Variants in TAOK3 observed in about 807,000 individuals in gnomAD.
TAOK3 encodes TAO kinase 3.
A neutral mutation model predicts 120.4 loss-of-function variants in TAOK3; 40 were observed. That is an observed-to-expected ratio of 0.33 (90% CI 0.26 to 0.43). The LOEUF is 0.43. Ranked by LOEUF, TAOK3 falls within the 20% of genes least tolerant of loss-of-function variation. The pLI, the probability that TAOK3 is intolerant of heterozygous loss-of-function variation, is 1.00. For synonymous variants in TAOK3, 355 were observed against 387.5 expected, an observed-to-expected ratio of 0.92 and a Z score of 0.99; for missense variants, 821 against 1,112.1, an observed-to-expected ratio of 0.74 and a Z score of 3.72.
chr12:118,204,875 C>A (rs1173618026), intron 11 of TAOK3, among the ~76,000 whole-genome samples: 1 of 151,696 alleles, frequency 6.6e-6, no homozygotes, highest in Non-Finnish European at 1.5e-5. Context: ...ACTAAAAACA[C>A]CAAAATTAGG....
chr12:118,354,326 G>C (rs2045305187), intron 1 of TAOK3, among the ~76,000 whole-genome samples: 1 of 152,140 alleles, frequency 6.6e-6, no homozygotes, highest in South Asian at 2.1e-4. Flanking sequence ...TGATAACCAA[G>C]ACAACCAGCT....
At chr12:118,267,833 C>T (rs549494779) in intron 1 of TAOK3, among the ~76,000 whole-genome samples, 25 of 145,360 alleles carry the variant, frequency 1.7e-4, no homozygotes, top group South Asian at 4.3e-4. Flanking sequence ...TGCAGTGAGC[C>T]GAGATCGCAC....
rs2035125088 is a variant in TAOK3 at position 118,160,192 on chromosome 12, G to A, written c.2306C>T (p.Ala769Val). The A allele has an allele frequency of 1.9e-6, 3 of 1,614,152 alleles. No homozygotes were observed. Among genetic ancestry groups the A allele is most frequent in the Non-Finnish European group, 2.5e-6 (3 of 1,180,032 alleles). ...ATTTATACTCTGTTCATACTGCTCT[G>A]CCAAAATGGCAAGTTTTCTTGTCTG... Reference protein sequence around the residue: ...DEQTRKLAILAEQYEQSINEM... With the variant: ...DEQTRKLAILVEQYEQSINEM... Residue 769 changes from alanine to valine, a missense_variant, in exon 19 of 21, where the codon GCA becomes GTA. This residue lies in a region of TAOK3 where 354 missense variants were observed against 572.1 expected (regional missense o/e 0.62). Transcript: ENST00000392533. The surrounding 1 kb of genome is among the most constrained non-coding windows in gnomAD (Gnocchi z 4.2).
chr12:118,251,590 C>G (rs1437955644), intron 3 of TAOK3, among the ~76,000 whole-genome samples: 1 of 152,112 alleles, frequency 6.6e-6, no homozygotes, highest in East Asian at 1.9e-4. Flanking sequence ...ATCGTGCCAG[C>G]CTTTAGAGTT....
chr12:118,310,863 T>TA (rs1405815771), intron 1 of TAOK3, among the ~76,000 whole-genome samples: 3 of 151,460 alleles, frequency 2.0e-5, no homozygotes, highest in African/African-American at 4.9e-5. Flanking sequence ...ATTCTGGACT[T>TA]AGAGTTTTAG....
At chr12:118,306,255 T>C (rs1255861962) in intron 1 of TAOK3, among the ~76,000 whole-genome samples, 3 of 152,186 alleles carry the variant, frequency 2.0e-5, no homozygotes, top group Non-Finnish European at 2.9e-5. Context: ...GTATAGTACC[T>C]GATAGTTGTT....
intron 19 of TAOK3, among the ~76,000 whole-genome samples, chr12:118,155,550 AAAATG>A (rs1318428931): frequency 3.3e-5 from 5 of 152,228 alleles, no homozygotes; most frequent in Non-Finnish European, 5.9e-5. Context: ...GGGTTTCACA[AAAATG>A]AAATGAGGTA....
intron 1 of TAOK3, among the ~76,000 whole-genome samples, chr12:118,305,184 T>G (rs945252907): frequency 6.6e-6 from 1 of 152,150 alleles, no homozygotes; most frequent in Non-Finnish European, 1.5e-5. Context: ...GAATAAGCAT[T>G]CAATAAACTT....
chr12:118,368,013 A>T (rs1380785136), intron 1 of TAOK3, among the ~76,000 whole-genome samples: 1 of 152,218 alleles, frequency 6.6e-6, no homozygotes. Context: ...AGATTACAAT[A>T]GTTTGCCTGT....
intron 14 of TAOK3, among the ~76,000 whole-genome samples, chr12:118,186,090 AT>A (rs2037058357): frequency 6.6e-6 from 1 of 152,210 alleles, no homozygotes; most frequent in Non-Finnish European, 1.5e-5. Flanking sequence ...ATTAGGGTGC[AT>A]TTTAAAAACT....
chr12:118,287,742 C>T (rs2042316289), intron 1 of TAOK3, among the ~76,000 whole-genome samples: 1 of 152,138 alleles, frequency 6.6e-6, no homozygotes, highest in Non-Finnish European at 1.5e-5. Flanking sequence ...TTCAGATACA[C>T]ACATACACAC....
rs923361706 is a variant in TAOK3, at chr12:118,266,743, T to C, written c.-177A>G. The C allele has an allele frequency of 7.5e-6, 3 of 397,634 alleles. No individual in the cohort carries two copies. In the Admixed American group the frequency reaches 1.3e-4, roughly 18 times the overall value. The allele number at this position is 397,634 out of a possible 1,614,324, so 24.6% of individuals were successfully genotyped here. On this transcript the variant is annotated 5_prime_UTR_variant, in exon 2 of 21. Coordinates refer to ENST00000392533, the MANE Select transcript of TAOK3 (RefSeq NM_016281.4). ...TTTCTCTTTTATAACTTCAGTCCTT[T>C]GTATTTATGATGCAACCTATAGAAA... is the stretch of plus-strand genomic sequence containing the variant.
At chr12:118,233,525 C>T (rs2039880831) in intron 9 of TAOK3, 149 bp downstream of exon 9, 1 of 522,290 alleles carries the variant, frequency 1.9e-6, no homozygotes, top group Non-Finnish European at 3.3e-6. Context: ...AATAAATTCG[C>T]ATTGCCTAGC....
At chr12:118,151,442 G>A (rs1481542990) in intron 20 of TAOK3, among the ~76,000 whole-genome samples, 1 of 152,188 alleles carries the variant, frequency 6.6e-6, no homozygotes, top group Non-Finnish European at 1.5e-5. Flanking sequence ...TGGCAATGCC[G>A]TTCTAGCAAG....
chr12:118,189,948 A>G lies in TAOK3; in HGVS notation c.1195-7T>C, dbSNP rs1189737877. On this transcript the variant is annotated splice_polypyrimidine_tract_variant and splice_region_variant and intron_variant, in intron 13 of 20. Coordinates refer to ENST00000392533, the MANE Select transcript of TAOK3 (RefSeq NM_016281.4). ...CCCTTATGAATACATGATCCTGCAG[A>G]AATGGATAAAAACAAGGAGAAAGTC... is the stretch of plus-strand genomic sequence containing the variant. The G allele has an allele frequency of 4.3e-6, 7 of 1,613,232 alleles. No homozygotes were observed.
intron 11 of TAOK3, among the ~76,000 whole-genome samples, chr12:118,210,640 T>C (rs1193006605): frequency 2.6e-5 from 4 of 152,154 alleles, no homozygotes; most frequent in Non-Finnish European, 5.9e-5. Context: ...TTACCTAAAA[T>C]AGCAGCACCT....
chr12:118,348,544 G>A lies in TAOK3; in HGVS notation c.-194+24104C>T, dbSNP rs896858093. Among the ~76,000 whole-genome samples the A allele has an allele frequency of 1.4e-4, 21 of 150,502 alleles. No homozygotes were observed. In the East Asian group the frequency reaches 3.8e-3, roughly 27 times the overall value. On this transcript the variant is annotated intron_variant, in intron 1 of 20. Coordinates refer to ENST00000392533, the MANE Select transcript of TAOK3 (RefSeq NM_016281.4). ...TGGCTCACTGCAAGCTCTGCCTCCC[G>A]GGCTCACGCCATTCTCCTGCCTCAA...
intron 3 of TAOK3, among the ~76,000 whole-genome samples, chr12:118,254,406 C>T (rs993072787): frequency 6.6e-6 from 1 of 152,010 alleles, no homozygotes; most frequent in Non-Finnish European, 1.5e-5. Flanking sequence ...TAACGATGAA[C>T]AAGATAGACA....
At position 118,363,631 on chromosome 12, in the gene TAOK3, A is replaced by C. The variant is rs147994963; in HGVS notation, c.-194+9017T>G. Among the ~76,000 whole-genome samples the C allele has an allele frequency of 6.6e-3, 1,012 of 152,254 alleles. 11 individuals are homozygous for C. The highest frequency in any genetic ancestry group is 0.023 in the African/African-American group (970 of 41,542). ...TAGAGGTAGTTATGGAAAATGAGGA[A>C]CAGAAGGCATACTACGTAAAAGAAA... On this transcript the variant is annotated intron_variant, in intron 1 of 20. Transcript: ENST00000392533.
Sources: allele counts gnomAD v4.1 joint callset (sites outside exome capture counted in the v4.1 genomes callset), GRCh38; gene constraint gnomAD v4.1.1; regional missense constraint gnomAD v4.1.1; non-coding constraint Gnocchi (gnomAD v3.1); transcripts MANE v1.5; gene names NCBI Gene and HGNC (gene_info 2026-07-23, HGNC 2026-07-21).